ERCC5: variants seen among roughly 807,000 people sequenced by gnomAD.
ERCC5 encodes DNA excision repair protein ERCC-5.
ERCC5 carries 68 observed loss-of-function variants against 105.6 expected under a neutral mutation model. The observed-to-expected ratio is 0.64, with a 90% CI of 0.53 to 0.79. The LOEUF (loss-of-function observed/expected upper bound fraction) is 0.79, where lower values mean the gene tolerates loss of function less well. ERCC5 is among the 30% of genes least tolerant of loss of function. ERCC5 has a pLI of 0.00. For missense variants in ERCC5, 1,373 were observed against 1,426.7 expected (o/e 0.96, Z 0.61); for synonymous variants, 546 against 526.2 (o/e 1.04, Z -0.51).
Position 102,862,892 on chromosome 13 carries a change from C to G in ERCC5, c.1743C>G (p.Val581=), listed in dbSNP as rs1431472003. The part of the protein sequence containing the change: ...PNSASEVIGP[V]SLQETSSIVS... Reference sequence around the variant, plus strand: ...CTGCTTCTGAAGTCATTGGCCCTGTCAGTTTGCAAGAAACAAGTAGCATAG... The same window carrying G: ...CTGCTTCTGAAGTCATTGGCCCTGTGAGTTTGCAAGAAACAAGTAGCATAG... Residue 581 remains valine (V), a synonymous_variant, in exon 8 of 15, where the codon GTC becomes GTG. Coordinates refer to ENST00000652225, the MANE Select transcript of ERCC5 (RefSeq NM_000123.4). 6 of 1,614,158 alleles carry G rather than the reference C, an allele frequency of 3.7e-6. No individual in the cohort carries two copies. Among genetic ancestry groups the G allele is most frequent in the Non-Finnish European group, 5.1e-6 (6 of 1,180,036 alleles).
intron 14 of ERCC5, 37 bp from the exon 15 acceptor site, chr13:102,875,270 C>T (rs1166703544): frequency 1.3e-6 from 2 of 1,597,878 alleles, no homozygotes; most frequent in Non-Finnish European, 1.7e-6. Context: ...ACTTACTTGT[C>T]TGATTTATTA....
intron 1 of ERCC5, among the ~76,000 whole-genome samples, chr13:102,850,969 G>A (rs958403735): frequency 1.3e-5 from 2 of 152,066 alleles, no homozygotes. Flanking sequence ...AGCAGAGCGC[G>A]GTGTCACTCT....
rs1400865997 is a variant in ERCC5 at position 102,861,567 on chromosome 13, C to G, written c.733C>G (p.Gln245Glu). 2 of 1,614,040 alleles carry G rather than the reference C, an allele frequency of 1.2e-6. No individual in the cohort carries two copies. Among genetic ancestry groups the G allele is most frequent in the Admixed American group, 3.3e-5 (2 of 60,016 alleles). ...KGLLKKNYLN[Q>E]HIEHVQKEMN... ...CTTGCTTAAAAAGAACTATCTGAAC[C>G]AGCATATAGAACATGTCCAAAAGGA... The change falls in exon 7 of 15, where the codon CAG becomes GAG. Residue 245 changes from glutamine to glutamate, a missense_variant. Gln to Glu is a conservative substitution (Grantham distance 29, BLOSUM62 2). Around this residue, in one of 3 missense-constraint regions of ERCC5, gnomAD observed 1,004 missense variants for 1,059.7 expected, o/e 0.95. Coordinates refer to ENST00000652225, the MANE Select transcript of ERCC5 (RefSeq NM_000123.4).
Position 102,868,155 on chromosome 13 carries a change from G to A in ERCC5, c.2576G>A (p.Gly859Glu). 1.2e-6 allele frequency: 2 copies of A among 1,614,138 alleles called. No homozygotes were observed. The highest frequency in any genetic ancestry group is 8.5e-7 in the Non-Finnish European group (1 of 1,180,022). Residue 859 changes from glycine to glutamate, a missense_variant, in exon 12 of 15, where the codon GGA becomes GAA. By Grantham distance (98) the Gly-to-Glu change is moderately conservative. This residue lies in a region of ERCC5 where 1,004 missense variants were observed against 1,059.7 expected (regional missense o/e 0.95). Transcript: ENST00000652225. ...NKLINLAYLL[G>E]SDYTEGIPTV... ...TTAATAAATTTGGCTTATTTGCTTGGAAGTGATTATACCGAAGGAATACCA... is the reference window on the plus strand; with the variant it reads ...TTAATAAATTTGGCTTATTTGCTTGAAAGTGATTATACCGAAGGAATACCA...
At chr13:102,873,458 G>GAGA in intron 14 of ERCC5, 115 bp downstream of exon 14, 2 of 1,182,530 alleles carry the variant, frequency 1.7e-6, no homozygotes, top group Non-Finnish European at 2.5e-6. Context: ...TTTGAAATTA[G>GAGA]GATAATTTAG....
intron 1 of ERCC5, among the ~76,000 whole-genome samples, chr13:102,850,898 A>G (rs1232822388): frequency 6.6e-6 from 1 of 152,154 alleles, no homozygotes; most frequent in Non-Finnish European, 1.5e-5. Context: ...AAGATCACTG[A>G]TGAAGTGAAT....
rs1566461801 is a variant in ERCC5 at position 102,846,084 on chromosome 13, G to A, written c.-183G>A. The A allele has an allele frequency of 1.7e-6, 1 of 599,820 alleles. No individual in the cohort carries two copies. Among genetic ancestry groups the A allele is most frequent in the Non-Finnish European group, 3.0e-6 (1 of 335,762 alleles). The allele number at this position is 599,820 out of a possible 1,614,324, so 37.2% of individuals were successfully genotyped here. On this transcript the variant is annotated 5_prime_UTR_variant, in exon 1 of 15. Coordinates refer to ENST00000652225, the MANE Select transcript of ERCC5 (RefSeq NM_000123.4). The stretch of plus-strand genomic sequence containing the variant: ...GACGTGTTGCAGCCAGAGTCTCTCC[G>A]CTTTAATGCGCTCCCATTAGTGCCG...
At chr13:102,873,447 T>G in intron 14 of ERCC5, 104 bp downstream of exon 14, 2 of 1,283,142 alleles carry the variant, frequency 1.6e-6, no homozygotes, top group Non-Finnish European at 2.2e-6. Context: ...AGAGCAGACA[T>G]TTTGAAATTA....
intron 13 of ERCC5, 121 bp downstream of exon 13, chr13:102,872,519 T>A: frequency 8.4e-7 from 1 of 1,187,284 alleles, no homozygotes; most frequent in Non-Finnish European, 1.2e-6. Flanking sequence ...ATTTTCTTAA[T>A]ATCCCGCTCT....
intron 12 of ERCC5, among the ~76,000 whole-genome samples, chr13:102,868,802 C>T (rs1813285639): frequency 1.3e-5 from 2 of 152,246 alleles, no homozygotes; most frequent in African/African-American, 4.8e-5. Flanking sequence ...TGAAGTCTTG[C>T]TCCATCCAGA....
At position 102,874,146 on chromosome 13, in the gene ERCC5, G is replaced by T. The variant is rs966576465; in HGVS notation, c.2964+803G>T. Reference sequence around the variant, plus strand: ...AGTGTCTGGTGATTTCTTAATTTCAGATAAATTTTGTTGTAATATTTATCT... The same window carrying T: ...AGTGTCTGGTGATTTCTTAATTTCATATAAATTTTGTTGTAATATTTATCT... On this transcript the variant is annotated intron_variant, in intron 14 of 14. Coordinates refer to ENST00000652225, the MANE Select transcript of ERCC5 (RefSeq NM_000123.4). 5.3e-5 allele frequency among the ~76,000 whole-genome samples: 8 copies of T among 152,196 alleles called. No individual in the cohort carries two copies. In the East Asian group the frequency reaches 1.5e-3, roughly 29 times the overall value.
rs1437838112 is a variant in ERCC5 at position 102,861,946 on chromosome 13, C to A, written c.881-84C>A. The A allele has an allele frequency of 2.0e-6, 3 of 1,530,368 alleles. No homozygotes were observed. The Admixed American group carries it at 5.0e-5, about 26-fold the overall frequency. 94.8% of individuals were successfully genotyped at this position (1,530,368 alleles called of 1,614,324 possible). ...AAATGTATATACTTATTTATGAGAA[C>A]CAGTGTTCTCTTATCCATCTTACTA... On this transcript the variant is annotated intron_variant, in intron 7 of 14. Transcript: ENST00000652225.
intron 14 of ERCC5, among the ~76,000 whole-genome samples, chr13:102,873,762 A>G (rs1883107783): frequency 6.6e-6 from 1 of 152,216 alleles, no homozygotes; most frequent in African/African-American, 2.4e-5. Context: ...AAGTTCAGTC[A>G]TTATTGTGTA....
At position 102,872,354 on chromosome 13, in the gene ERCC5, G is replaced by C; in HGVS notation, c.2835G>C (p.Lys945Asn). ...TCAAACCCGTGGTGGATGACTCGAA[G>C]GGATCCTTTCTGTGGGGGAAACCTG... ...AYLKPVVDDS[K>N]GSFLWGKPDL... The change falls in exon 13 of 15, where the codon AAG becomes AAC. Residue 945 changes from lysine (K) to asparagine (N), a missense_variant. Transcript: ENST00000652225. 6.2e-7 allele frequency: 1 copy of C among 1,614,140 alleles called. No individual in the cohort carries two copies. Among genetic ancestry groups the C allele is most frequent in the Non-Finnish European group, 8.5e-7 (1 of 1,180,020 alleles).
chr13:102,866,410 A>G (rs748686417), intron 10 of ERCC5, 29 bp downstream of exon 10: 2 of 1,613,964 alleles, frequency 1.2e-6, no homozygotes, highest in Non-Finnish European at 1.7e-6. Flanking sequence ...GGTTTCCTTT[A>G]CCACCTTCTT....
chr13:102,851,000 A>G (rs1882180439), intron 1 of ERCC5, among the ~76,000 whole-genome samples: 1 of 152,204 alleles, frequency 6.6e-6, no homozygotes, highest in African/African-American at 2.4e-5. Flanking sequence ...CAAATATAAC[A>G]TTTTTTGAGA....
chr13:102,872,114 T>C (rs1883053163), intron 12 of ERCC5, 84 bp from the exon 13 acceptor site: 1 of 1,475,716 alleles, frequency 6.8e-7, no homozygotes, highest in Non-Finnish European at 9.3e-7. Context: ...TGAGTTTACA[T>C]GTTCTAAGTT....
At chr13:102,868,285 A>G (rs372477614) in intron 12 of ERCC5, 28 bp downstream of exon 12, 4 of 1,613,954 alleles carry the variant, frequency 2.5e-6, no homozygotes, top group Non-Finnish European at 3.4e-6. Flanking sequence ...TTTAATTTGG[A>G]TAATTGTGTA....
chr13:102,852,195 C>G lies in ERCC5; in HGVS notation c.166C>G (p.Leu56Val). The G allele has an allele frequency of 6.2e-7, 1 of 1,614,154 alleles. No individual in the cohort carries two copies. The highest frequency in any genetic ancestry group is 8.5e-7 in the Non-Finnish European group (1 of 1,180,018). The change falls in exon 2 of 15, where the codon CTC becomes GTC. Residue 56 changes from leucine (L) to valine (V), a missense_variant. This residue lies in a region of ERCC5 where 1,004 missense variants were observed against 1,059.7 expected (regional missense o/e 0.95). Coordinates refer to ENST00000652225, the MANE Select transcript of ERCC5 (RefSeq NM_000123.4). The stretch of plus-strand genomic sequence containing the variant: ...GAACTCAATAGAAAATCCTCATCTT[C>G]TCACTTTGTTTCATCGGCTCTGCAA... ...HGNSIENPHL[L>V]TLFHRLCKLL... is the part of the protein sequence containing the mutation.
Sources: allele counts gnomAD v4.1 joint callset (sites outside exome capture counted in the v4.1 genomes callset), GRCh38; gene constraint gnomAD v4.1.1; regional missense constraint gnomAD v4.1.1; transcripts MANE v1.5; gene names NCBI Gene and HGNC (gene_info 2026-07-23, HGNC 2026-07-21).